HEPHL1: variants seen among roughly 807,000 people sequenced by gnomAD.
The protein encoded by HEPHL1 is hephaestin like 1.
HEPHL1 carries 123 observed loss-of-function variants against 122.0 expected under a neutral mutation model. That is an observed-to-expected ratio of 1.01 (90% CI 0.87 to 1.17). The LOEUF is 1.17. Ranked by LOEUF, HEPHL1 falls within the 50% of genes most tolerant of loss-of-function variation. HEPHL1 has a pLI of 0.00. For missense variants in HEPHL1, 1,452 were observed against 1,430.5 expected (o/e 1.01, Z -0.24); for synonymous variants, 527 against 508.9 (o/e 1.04, Z -0.48).
intron 9 of HEPHL1, 88 bp downstream of exon 9, chr11:94,075,473 AC>A (rs1946114453): frequency 2.1e-6 from 2 of 937,012 alleles, no homozygotes; most frequent in Non-Finnish European, 3.3e-6. Context: ...ATAGTCAGTT[AC>A]AAAAAGCAAT....
intron 2 of HEPHL1, among the ~76,000 whole-genome samples, chr11:94,047,874 T>G (rs928742635): frequency 2.6e-5 from 4 of 152,166 alleles, no homozygotes; most frequent in Non-Finnish European, 4.4e-5. Context: ...GTAAAACATA[T>G]GAACATAAAA....
chr11:94,044,012 C>CA (rs951516809), intron 1 of HEPHL1, among the ~76,000 whole-genome samples: 1 of 151,852 alleles, frequency 6.6e-6, no homozygotes, highest in Non-Finnish European at 1.5e-5. Context: ...CTCTTACCCC[C>CA]AAAAGGGACA....
At chr11:94,075,439 G>T (rs543426692) in intron 9 of HEPHL1, 54 bp downstream of exon 9, 2 of 1,124,748 alleles carry the variant, frequency 1.8e-6, no homozygotes, top group Non-Finnish European at 2.5e-6. Flanking sequence ...GGAGAGATCC[G>T]CAAGAGCCAG....
chr11:94,041,217 TAA>T (rs1338592780), intron 1 of HEPHL1, among the ~76,000 whole-genome samples: 3 of 150,438 alleles, frequency 2.0e-5, no homozygotes, highest in East Asian at 3.9e-4. Context: ...CTCAAGGAAA[TAA>T]AAGAGGATAC....
At chr11:94,111,172 G>C in intron 18 of HEPHL1, 107 bp downstream of exon 18, 1 of 855,430 alleles carries the variant, frequency 1.2e-6, no homozygotes, top group Non-Finnish European at 1.8e-6. Context: ...CAAGCTCAGA[G>C]TCAAGTAAGA....
In HEPHL1 at chr11:94,093,626, A is replaced by G; in HGVS notation, c.2420A>G (p.His807Arg). 2.5e-6 allele frequency: 4 copies of G among 1,613,404 alleles called. No individual in the cohort carries two copies. The highest frequency in any genetic ancestry group is 1.3e-5 in the African/African-American group (1 of 74,914). Residue 807 changes from histidine (H) to arginine (R), a missense_variant, in exon 13 of 20, where the codon CAC becomes CGC. By Grantham distance (29) the His-to-Arg change is conservative. Coordinates refer to ENST00000315765, the MANE Select transcript of HEPHL1 (RefSeq NM_001098672.2). ...EIKARPPREEHLELLGPMIHA... is the reference protein window; with the variant it reads ...EIKARPPREERLELLGPMIHA... ...AAAGCCCGACCACCACGAGAGGAGC[A>G]CTTAGAACTCCTGGGTATGGCACAG...
rs576066882 is a variant in HEPHL1 at position 94,106,488 on chromosome 11, G to T, written c.3045+358G>T. On this transcript the variant is annotated intron_variant, in intron 17 of 19. Coordinates refer to ENST00000315765, the MANE Select transcript of HEPHL1 (RefSeq NM_001098672.2). The stretch of plus-strand genomic sequence containing the variant: ...TTTTTGTATTTTTTAGTAGAGACGG[G>T]GTTTCACCATGTTAGCCAGGATGGT... Among the ~76,000 whole-genome samples, 3 of 151,822 alleles carry T rather than the reference G, an allele frequency of 2.0e-5. No individual in the cohort carries two copies. In the East Asian group the frequency reaches 5.8e-4, roughly 30 times the overall value.
chr11:94,073,386 T>C lies in HEPHL1; in HGVS notation c.1451T>C (p.Leu484Ser). 4 of 1,570,562 alleles carry C rather than the reference T, an allele frequency of 2.5e-6. No individual in the cohort carries two copies. The highest frequency in any genetic ancestry group is 3.5e-6 in the Non-Finnish European group (4 of 1,156,434). Residue 484 changes from leucine (L) to serine (S), a missense_variant, in exon 8 of 20, where the codon TTA becomes TCA. Coordinates refer to ENST00000315765, the MANE Select transcript of HEPHL1 (RefSeq NM_001098672.2). ...ANKADKVYSI[L>S]PHGVIYDKAS... Reference sequence around the variant, plus strand: ...AAAGCCGACAAGGTCTATAGCATTTTACCCCATGGTGTGATCTATGACAAG... The same window carrying C: ...AAAGCCGACAAGGTCTATAGCATTTCACCCCATGGTGTGATCTATGACAAG...
rs562897907 is a variant in HEPHL1, at chr11:94,111,049, G to A, written c.3192G>A (p.Thr1064=). The part of the protein sequence containing the change: ...HIHAGMETTY[T]VLRNIDNRIP... ...ATGCTGGCATGGAGACAACCTACACGGTCCTTCGTAACATAGGTACGGTTG... is the reference window on the plus strand; with the variant it reads ...ATGCTGGCATGGAGACAACCTACACAGTCCTTCGTAACATAGGTACGGTTG... The change falls in exon 18 of 20, where the codon ACG becomes ACA. Residue 1064 remains threonine (T), a synonymous_variant. Coordinates refer to ENST00000315765, the MANE Select transcript of HEPHL1 (RefSeq NM_001098672.2). 11 of 1,595,412 alleles carry A rather than the reference G, an allele frequency of 6.9e-6. 1 individual carries two copies. In the East Asian group the frequency reaches 1.4e-4, roughly 20 times the overall value.
chr11:94,025,995 A>AT (rs1486852720), intron 1 of HEPHL1, among the ~76,000 whole-genome samples: 1 of 152,174 alleles, frequency 6.6e-6, no homozygotes, highest in Non-Finnish European at 1.5e-5. Flanking sequence ...ACAAATTAGG[A>AT]TTTTGTATTC....
intron 8 of HEPHL1, among the ~76,000 whole-genome samples, chr11:94,074,817 T>C (rs1946107019): frequency 6.6e-6 from 1 of 152,294 alleles, no homozygotes; most frequent in South Asian, 2.1e-4. Context: ...TTGGGTATCT[T>C]CTGCAAGACC....
At chr11:94,055,678 A>C in intron 2 of HEPHL1, 1 of 387,286 alleles carries the variant, frequency 2.6e-6, no homozygotes, top group South Asian at 2.1e-5. Context: ...CTGGCTAGTG[A>C]CAGGCTGGAA....
intron 17 of HEPHL1, among the ~76,000 whole-genome samples, chr11:94,106,856 C>A (rs1946413775): frequency 6.6e-6 from 1 of 152,136 alleles, no homozygotes; most frequent in South Asian, 2.1e-4. Context: ...AGTAAAGGAG[C>A]TATTTTGAGC....
chr11:94,035,882 G>T (rs1262252030), intron 1 of HEPHL1, among the ~76,000 whole-genome samples: 2 of 152,210 alleles, frequency 1.3e-5, no homozygotes, highest in Non-Finnish European at 2.9e-5. Flanking sequence ...GACTACAGGC[G>T]CCCGTTACCA....
At chr11:94,026,860 C>G (rs1945630383) in intron 1 of HEPHL1, among the ~76,000 whole-genome samples, 2 of 152,344 alleles carry the variant, frequency 1.3e-5, no homozygotes, top group Admixed American at 6.5e-5. Flanking sequence ...AATTCAATCT[C>G]TCTTTGCCTC....
At chr11:94,041,424 T>C (rs1286657924) in intron 1 of HEPHL1, among the ~76,000 whole-genome samples, 7 of 141,032 alleles carry the variant, frequency 5.0e-5, no homozygotes, top group South Asian at 5.0e-4. Flanking sequence ...AAGTCAATCC[T>C]AAGCCAAAAG....
intron 13 of HEPHL1, among the ~76,000 whole-genome samples, chr11:94,095,470 C>A (rs545718131): frequency 1.7e-3 from 265 of 152,266 alleles, no homozygotes; most frequent in African/African-American, 6.2e-3. Flanking sequence ...ATTGACTTGG[C>A]AATGTGGGCT....
Position 94,045,714 on chromosome 11 carries a change from G to C in HEPHL1, c.212G>C (p.Gly71Ala), listed in dbSNP as rs1426015062. ...LFLERGPNRI[G>A]SIYKKAVYRR... is the part of the protein sequence containing the mutation. Reference sequence around the variant, plus strand: ...CTCGAAAGAGGGCCCAACAGGATAGGCAGTATTTACAAAAAGGCTGTTTAC... The same window carrying C: ...CTCGAAAGAGGGCCCAACAGGATAGCCAGTATTTACAAAAAGGCTGTTTAC... Residue 71 changes from glycine (G) to alanine (A), a missense_variant, in exon 2 of 20, where the codon GGC (glycine) becomes GCC (alanine). Gly to Ala is a moderately conservative substitution (Grantham distance 60). Coordinates refer to ENST00000315765, the MANE Select transcript of HEPHL1 (RefSeq NM_001098672.2). 1 of 1,612,488 alleles carries C rather than the reference G, an allele frequency of 6.2e-7. No homozygotes were observed. The highest frequency in any genetic ancestry group is 1.7e-5 in the Admixed American group (1 of 59,808).
At chr11:94,046,250 C>T (rs892638266) in intron 2 of HEPHL1, among the ~76,000 whole-genome samples, 2 of 151,236 alleles carry the variant, frequency 1.3e-5, no homozygotes, top group Non-Finnish European at 2.9e-5. Context: ...TGCACCATCA[C>T]GCCCAGCTAA....
Sources: gnomAD v4.1 joint callset for allele counts (sites outside exome capture counted in the v4.1 genomes callset) on GRCh38, gnomAD v4.1.1 for gene constraint, MANE v1.5 for transcripts, NCBI Gene and HGNC (gene_info 2026-07-23, HGNC 2026-07-21) for gene names.